Variants in KCNJ6 observed in about 807,000 individuals in gnomAD.
The protein encoded by KCNJ6 is potassium inwardly rectifying channel subfamily J member 6.
Under a neutral mutation model 34.2 loss-of-function variants are expected in KCNJ6, and 9 were observed. That is an observed-to-expected ratio of 0.26 (90% CI 0.16 to 0.46). The LOEUF (loss-of-function observed/expected upper bound fraction) is 0.46, where lower values mean the gene tolerates loss of function less well. Ranked by LOEUF, KCNJ6 falls within the 20% of genes least tolerant of loss-of-function variation. The pLI, the probability that KCNJ6 is intolerant of heterozygous loss-of-function variation, is 1.00. For missense variants in KCNJ6, 236 were observed against 531.3 expected (o/e 0.44, Z 5.46); for synonymous variants, 196 against 207.1 (o/e 0.95, Z 0.46).
At chr21:37,678,583 A>G (rs1368107126) in intron 3 of KCNJ6, among the ~76,000 whole-genome samples, 1 of 152,236 alleles carries the variant, frequency 6.6e-6, no homozygotes, top group Non-Finnish European at 1.5e-5. Flanking sequence ...GGAGAGGACT[A>G]CCTGCACTGA....
intron 1 of KCNJ6, among the ~76,000 whole-genome samples, chr21:37,879,759 C>CAGAG (rs1300888849): frequency 1.8e-5 from 2 of 111,630 alleles, no homozygotes; most frequent in African/African-American, 6.9e-5. Context: ...GTGTGTGTGA[C>CAGAG]AGAGAGAGAG....
intron 3 of KCNJ6, among the ~76,000 whole-genome samples, chr21:37,663,278 G>C (rs573755582): frequency 1.3e-5 from 2 of 152,038 alleles, no homozygotes; most frequent in Non-Finnish European, 2.9e-5. Flanking sequence ...CAGTATGCTA[G>C]AAAAAACATC....
At chr21:37,913,714 A>G (rs2055878147) in intron 1 of KCNJ6, among the ~76,000 whole-genome samples, 1 of 152,154 alleles carries the variant, frequency 6.6e-6, no homozygotes, top group African/African-American at 2.4e-5. Context: ...GCTACTCAGG[A>G]GGCTGAGGTA....
intron 3 of KCNJ6, among the ~76,000 whole-genome samples, chr21:37,711,797 A>C (rs945791621): frequency 1.3e-4 from 19 of 142,788 alleles, no homozygotes; most frequent in African/African-American, 1.5e-4. Flanking sequence ...ACTTTCTAGA[A>C]CCCCCCCCCC....
chr21:37,784,008 T>C (rs777367421), intron 2 of KCNJ6, among the ~76,000 whole-genome samples: 10 of 152,170 alleles, frequency 6.6e-5, no homozygotes, highest in Non-Finnish European at 1.0e-4. Context: ...TCCAGAACCA[T>C]GGGAAAATAA....
rs1064796826 is a variant in KCNJ6 at position 37,715,081 on chromosome 21, C to A, written c.76G>T (p.Ala26Ser). 6.2e-7 allele frequency: 1 copy of A among 1,614,058 alleles called. No individual in the cohort carries two copies. The highest frequency in any genetic ancestry group is 1.3e-5 in the African/African-American group (1 of 74,936). The change falls in exon 3 of 4, where the codon GCC (alanine) becomes TCC (serine). Residue 26 changes from alanine to serine, a missense_variant. Around this residue, in one of 5 missense-constraint regions of KCNJ6, gnomAD observed 64 missense variants for 68.9 expected, o/e 0.93. Coordinates refer to ENST00000609713, the MANE Select transcript of KCNJ6 (RefSeq NM_002240.5). ...SMDQDVESPV[A>S]IHQPKLPKQA... The stretch of plus-strand genomic sequence containing the variant: ...TTAGGCAACTTTGGCTGGTGAATGG[C>A]CACTGGGCTTTCGACGTCCTGATCC...
chr21:37,607,965 A>C lies in KCNJ6; in HGVS notation c.*17194T>G, dbSNP rs1302763053. The C allele has an allele frequency of 6.6e-6, 1 of 152,130 alleles. No homozygotes were observed. The highest frequency in any genetic ancestry group is 1.5e-5 in the Non-Finnish European group (1 of 68,016). 9.4% of individuals were successfully genotyped at this position (152,130 alleles called of 1,614,324 possible). A position where few individuals can be genotyped will look rare whatever the true frequency, so the allele number is the denominator to read the frequency against. The stretch of plus-strand genomic sequence containing the variant: ...ACATGCTATTGAAATTCCACTAGTG[A>C]TTTATTCTGCTTTTTGCTGAATCAT... On this transcript the variant is annotated 3_prime_UTR_variant, in exon 4 of 4. Coordinates refer to ENST00000609713, the MANE Select transcript of KCNJ6 (RefSeq NM_002240.5).
At chr21:37,636,511 G>A (rs2054358829) in intron 3 of KCNJ6, among the ~76,000 whole-genome samples, 1 of 152,206 alleles carries the variant, frequency 6.6e-6, no homozygotes, top group South Asian at 2.1e-4. Context: ...AGTTAAGCTT[G>A]CAGGGACATG....
chr21:37,647,014 TG>T (rs1312082272), intron 3 of KCNJ6, among the ~76,000 whole-genome samples: 1 of 151,966 alleles, frequency 6.6e-6, no homozygotes, highest in African/African-American at 2.4e-5. Context: ...TCTTCCAAGG[TG>T]GTGGAAATAG....
At chr21:37,747,443 A>G (rs1601451030) in intron 2 of KCNJ6, among the ~76,000 whole-genome samples, 2 of 152,364 alleles carry the variant, frequency 1.3e-5, no homozygotes, top group South Asian at 2.1e-4. Flanking sequence ...AGGGGCCCCT[A>G]AGACCTGCAG....
intron 2 of KCNJ6, among the ~76,000 whole-genome samples, chr21:37,817,674 C>A (rs1254551469): frequency 1.3e-5 from 2 of 152,180 alleles, no homozygotes; most frequent in African/African-American, 4.8e-5. Flanking sequence ...ACAACAGCAC[C>A]CTCATCCTGG....
At chr21:37,896,037 T>C (rs1442775819) in intron 1 of KCNJ6, among the ~76,000 whole-genome samples, 1 of 152,148 alleles carries the variant, frequency 6.6e-6, no homozygotes, top group Admixed American at 6.5e-5. Flanking sequence ...GGAAGAATGA[T>C]GCTGGCATTT....
rs796366647 is a variant in KCNJ6 at position 37,712,752 on chromosome 21, TC to T, written c.946+1458del. 4.0e-3 allele frequency among the ~76,000 whole-genome samples: 232 copies of T among 58,304 alleles called. 54 individuals carry two copies. Among genetic ancestry groups the T allele is most frequent in the Admixed American group, 5.3e-3 (26 of 4,872 alleles). The allele number at this position is 58,304 out of a possible 152,430, so 38.2% of individuals were successfully genotyped here. A position where few individuals can be genotyped will look rare whatever the true frequency, so the allele number is the denominator to read the frequency against. On this transcript the variant is annotated intron_variant, in intron 3 of 3. Coordinates refer to ENST00000609713, the MANE Select transcript of KCNJ6 (RefSeq NM_002240.5). ...CCTCCCCTTCTCCTCCTCTCCTTCC[TC>T]CCCTTCCTCCTCCCCTGCCTTCCCT...
chr21:37,735,193 C>T (rs1192612383), intron 2 of KCNJ6, among the ~76,000 whole-genome samples: 1 of 152,150 alleles, frequency 6.6e-6, no homozygotes, highest in Non-Finnish European at 1.5e-5. Flanking sequence ...ACATATTACC[C>T]AAACAGAGGA....
intron 2 of KCNJ6, among the ~76,000 whole-genome samples, chr21:37,761,622 ATGTGTTG>A (rs1171867509): frequency 8.5e-6 from 1 of 118,024 alleles, no homozygotes; most frequent in Admixed American, 1.0e-4. Context: ...GTATTTGTGT[ATGTGTTG>A]TGTGTTGTGT....
At chr21:37,685,456 C>T (rs1450300871) in intron 3 of KCNJ6, among the ~76,000 whole-genome samples, 2 of 146,162 alleles carry the variant, frequency 1.4e-5, no homozygotes, top group Non-Finnish European at 3.0e-5. Flanking sequence ...CCAAGGCGGG[C>T]GGATCACAAG....
At chr21:37,685,707 A>AAAAAG (rs1270564408) in intron 3 of KCNJ6, among the ~76,000 whole-genome samples, 1 of 27,922 alleles carries the variant, frequency 3.6e-5, no homozygotes, top group Non-Finnish European at 1.1e-4. Context: ...AAAAAAAAAA[A>AAAAAG]ATCTATCCTA....
intron 2 of KCNJ6, among the ~76,000 whole-genome samples, chr21:37,830,496 G>A (rs545816427): frequency 3.7e-4 from 57 of 152,278 alleles, no homozygotes; most frequent in African/African-American, 1.3e-3. Context: ...TACCTAGAGG[G>A]AGGGTGCTAC....
At chr21:37,844,479 G>A (rs993683352) in intron 1 of KCNJ6, among the ~76,000 whole-genome samples, 6 of 152,002 alleles carry the variant, frequency 3.9e-5, no homozygotes, top group African/African-American at 1.4e-4. Context: ...AATAGCTCTG[G>A]GGGATCTATC....
Sources: gnomAD v4.1 joint callset for allele counts (sites outside exome capture counted in the v4.1 genomes callset) on GRCh38, gnomAD v4.1.1 for gene constraint, gnomAD v4.1.1 regional missense constraint, MANE v1.5 for transcripts, NCBI Gene and HGNC (gene_info 2026-07-23, HGNC 2026-07-21) for gene names.